Variants in PCDHA12 observed in about 807,000 individuals in gnomAD.
The protein encoded by PCDHA12 is protocadherin alpha 12.
In PCDHA12, 44 loss-of-function variants were observed where a neutral mutation model predicts 60.0. That is an observed-to-expected ratio of 0.73 (90% confidence interval 0.58 to 0.94). The LOEUF is 0.94. Ranked by LOEUF, PCDHA12 falls within the 40% of genes least tolerant of loss-of-function variation. The pLI is 0.00. For synonymous variants in PCDHA12, 569 were observed against 553.0 expected (o/e 1.03, Z -0.40); for missense variants, 1,276 against 1,239.7 (o/e 1.03, Z -0.44).
intron 3 of PCDHA12, among the ~76,000 whole-genome samples, chr5:141,008,980 A>C (rs533099581): frequency 6.6e-6 from 1 of 152,374 alleles, no homozygotes; most frequent in African/African-American, 2.4e-5. Context: ...GCCAAAGTTT[A>C]ATCTAGACAC....
chr5:141,005,701 CAAAAAAAAAAAAAAAA>C (rs59860837), intron 3 of PCDHA12, among the ~76,000 whole-genome samples: 5 of 7,786 alleles, frequency 6.4e-4, no homozygotes, highest in African/African-American at 1.9e-3. Context: ...AACTCCGTCT[CAAAAAAAAAAAAAAAA>C]AAAAAAAAAA....
At position 140,969,285 on chromosome 5, in the gene PCDHA12, C is replaced by T. The variant is rs782734189; in HGVS notation, c.2368-9664C>T. The stretch of plus-strand genomic sequence containing the variant: ...CTCACAGGCCAAAGTGGTCAGAATG[C>T]TGGGAACCTGATTATTCTCAAAAAT... On this transcript the variant is annotated intron_variant, in intron 1 of 3. Coordinates refer to ENST00000398631, the MANE Select transcript of PCDHA12 (RefSeq NM_018903.4). 51 of 1,614,062 alleles carry T rather than the reference C, an allele frequency of 3.2e-5. No individual in the cohort carries two copies. The highest frequency in any genetic ancestry group is 4.3e-5 in the Non-Finnish European group (51 of 1,180,038).
chr5:140,981,985 G>C (rs1554243637), intron 2 of PCDHA12, among the ~76,000 whole-genome samples: 1 of 152,162 alleles, frequency 6.6e-6, no homozygotes, highest in Non-Finnish European at 1.5e-5. Context: ...GAGTAAAATA[G>C]AAAATAAGGT....
chr5:140,884,357 A>C, intron 1 of PCDHA12: 1 of 1,613,864 alleles, frequency 6.2e-7, no homozygotes. Context: ...GGTGGATGTC[A>C]ATGTTTACTT....
Position 141,009,653 on chromosome 5 carries a change from C to T in PCDHA12, c.2542C>T (p.Pro848Ser). ...ACCAGAGGCAGGAGAAGTGTCCCCTCCAGTCGGTGCGGGTGTCAACAGCAA... is the reference window on the plus strand; with the variant it reads ...ACCAGAGGCAGGAGAAGTGTCCCCTTCAGTCGGTGCGGGTGTCAACAGCAA... The part of the protein sequence containing the change: ...PEPEAGEVSP[P>S]VGAGVNSNSW... The change falls in exon 4 of 4, where the codon CCA becomes TCA. Residue 848 changes from proline (P) to serine (S), a missense_variant. Physicochemically the swap from Pro to Ser is moderately conservative, Grantham distance 74. Transcript: ENST00000398631. 1 of 1,613,998 alleles carries T rather than the reference C, an allele frequency of 6.2e-7. No individual in the cohort carries two copies. The highest frequency in any genetic ancestry group is 8.5e-7 in the Non-Finnish European group (1 of 1,179,950).
chr5:140,883,162 C>T, intron 1 of PCDHA12: 2 of 1,613,808 alleles, frequency 1.2e-6, no homozygotes, highest in Non-Finnish European at 1.7e-6. Flanking sequence ...TAAATCCGAA[C>T]AATGGAGAAA....
rs782099262 is a variant in PCDHA12 at position 140,927,918 on chromosome 5, C to A, written c.2367+50079C>A. 3.7e-6 allele frequency: 6 copies of A among 1,614,220 alleles called. No homozygotes were observed. In the South Asian group the frequency reaches 4.4e-5, roughly 12 times the overall value. ...ACGATCATGCCCCCGAACTGGACTT[C>A]CTGACTCTTTCGAACCCAGTACCTG... On this transcript the variant is annotated intron_variant, in intron 1 of 3. Transcript: ENST00000398631.
intron 1 of PCDHA12, among the ~76,000 whole-genome samples, chr5:140,950,472 T>C (rs782525513): frequency 2.0e-5 from 3 of 152,084 alleles, no homozygotes; most frequent in East Asian, 1.9e-4. Context: ...TCATAGTTTC[T>C]GATGAGAAGT....
chr5:140,913,073 G>A (rs529914576), intron 1 of PCDHA12, among the ~76,000 whole-genome samples: 7 of 152,184 alleles, frequency 4.6e-5, no homozygotes, highest in Admixed American at 1.3e-4. Flanking sequence ...ATGTGTCATT[G>A]TTTGGTATCA....
intron 1 of PCDHA12, among the ~76,000 whole-genome samples, chr5:140,947,543 G>T (rs1013985097): frequency 6.6e-5 from 10 of 151,548 alleles, no homozygotes; most frequent in Non-Finnish European, 1.2e-4. Flanking sequence ...TTTCTACAAA[G>T]AATTCCGCTG....
chr5:140,898,456 C>G (rs1333861280), intron 1 of PCDHA12, among the ~76,000 whole-genome samples: 2 of 152,134 alleles, frequency 1.3e-5, no homozygotes, highest in African/African-American at 2.4e-5. Flanking sequence ...AATCCTTTCC[C>G]CATTGCTTGT....
chr5:140,988,864 C>T (rs1017144453), intron 3 of PCDHA12: 2 of 152,190 alleles, frequency 1.3e-5, no homozygotes, highest in Non-Finnish European at 2.9e-5. Flanking sequence ...GTCTCATGTG[C>T]ACTCAGATGT....
chr5:140,973,666 A>G (rs531003588), intron 1 of PCDHA12, among the ~76,000 whole-genome samples: 8 of 152,322 alleles, frequency 5.3e-5, no homozygotes, highest in African/African-American at 1.9e-4. Flanking sequence ...TATTTATTGT[A>G]GCTTGAATGT....
At chr5:140,927,147 G>T (rs1554204095) in intron 1 of PCDHA12, 5 of 1,614,162 alleles carry the variant, frequency 3.1e-6, no homozygotes, top group Non-Finnish European at 4.2e-6. Context: ...ACCGCGAACA[G>T]CTGTGCAGGG....
intron 1 of PCDHA12, among the ~76,000 whole-genome samples, chr5:140,933,263 A>G (rs1374246908): frequency 6.6e-6 from 1 of 151,986 alleles, no homozygotes; most frequent in Non-Finnish European, 1.5e-5. Context: ...AAAGGTTATT[A>G]TATATTCATT....
intron 3 of PCDHA12, among the ~76,000 whole-genome samples, chr5:140,989,263 A>G (rs2097334941): frequency 6.6e-6 from 1 of 152,146 alleles, no homozygotes; most frequent in South Asian, 2.1e-4. Flanking sequence ...GGGAGATTCA[A>G]GTTTCTGCTG....
At chr5:141,000,743 T>TAA (rs527867626) in intron 3 of PCDHA12, among the ~76,000 whole-genome samples, 3 of 145,408 alleles carry the variant, frequency 2.1e-5, no homozygotes, top group Admixed American at 6.9e-5. Context: ...CTCTGTATAT[T>TAA]AAAAAAAAAA....
intron 1 of PCDHA12, among the ~76,000 whole-genome samples, chr5:140,960,552 A>T (rs1269039449): frequency 6.6e-6 from 1 of 152,162 alleles, no homozygotes; most frequent in Non-Finnish European, 1.5e-5. Flanking sequence ...CTTCATATAG[A>T]CTGAGCTTAG....
At chr5:140,946,506 A>G (rs1231345135) in intron 1 of PCDHA12, among the ~76,000 whole-genome samples, 1 of 151,616 alleles carries the variant, frequency 6.6e-6, no homozygotes, top group Non-Finnish European at 1.5e-5. Context: ...CAGTATGTCA[A>G]AGACCTATCC....
Sources: gnomAD v4.1 joint callset for allele counts (sites outside exome capture counted in the v4.1 genomes callset) on GRCh38, gnomAD v4.1.1 for gene constraint, MANE v1.5 for transcripts, NCBI Gene and HGNC (gene_info 2026-07-23, HGNC 2026-07-21) for gene names.